AGBL4: variants seen among roughly 807,000 people sequenced by gnomAD.
AGBL4 encodes AGBL carboxypeptidase 4, also known as cytosolic carboxypeptidase 6.
A neutral mutation model predicts 66.4 loss-of-function variants in AGBL4; 58 were observed. That is an observed-to-expected ratio of 0.87 (90% CI 0.71 to 1.09). The LOEUF (loss-of-function observed/expected upper bound fraction) is 1.09. Ranked by LOEUF, AGBL4 falls within the 50% of genes least tolerant of loss-of-function variation. AGBL4 has a pLI of 0.00. For synonymous variants in AGBL4, 234 were observed against 222.9 expected, an observed-to-expected ratio of 1.05 and a Z score of -0.44; for missense variants, 579 against 631.0, an observed-to-expected ratio of 0.92 and a Z score of 0.88.
chr1:48,913,742 AC>A (rs1653350772), intron 5 of AGBL4, among the ~76,000 whole-genome samples: 1 of 152,208 alleles, frequency 6.6e-6, no homozygotes, highest in Non-Finnish European at 1.5e-5. Context: ...AATAAAGTGC[AC>A]AAAAAATGTA....
intron 2 of AGBL4, among the ~76,000 whole-genome samples, chr1:49,794,046 A>G (rs1013845548): frequency 6.6e-6 from 1 of 151,954 alleles, no homozygotes; most frequent in East Asian, 1.9e-4. Flanking sequence ...TGAAAAGAAC[A>G]TTTTCAGGAA....
chr1:49,383,686 A>G (rs1375431295), intron 3 of AGBL4, among the ~76,000 whole-genome samples: 1 of 152,186 alleles, frequency 6.6e-6, no homozygotes, highest in Non-Finnish European at 1.5e-5. Context: ...CTGAAACTAT[A>G]AAACTCCTAG....
Position 48,693,514 on chromosome 1 carries a change from G to A in AGBL4, c.635-30273C>T, listed in dbSNP as rs543993352. Among the ~76,000 whole-genome samples, 46 of 152,290 alleles carry A rather than the reference G, an allele frequency of 3.0e-4. 1 individual carries two copies. Among genetic ancestry groups the A allele is most frequent in the Admixed American group, 9.2e-4 (14 of 15,296 alleles). On this transcript the variant is annotated intron_variant, in intron 6 of 13. Coordinates refer to ENST00000371839, the MANE Select transcript of AGBL4 (RefSeq NM_032785.4). ...CCACAAAAGGAAATTTCACGGTGGC[G>A]TGTGTGCATGTAGACAGGTCAAGGC...
chr1:48,971,815 C>T (rs2798696), intron 5 of AGBL4, among the ~76,000 whole-genome samples: 148,446 of 152,296 alleles, frequency 0.97, 72,451 homozygotes, highest in East Asian at 1. Context: ...AAAAAAAGTG[C>T]ATGTGGCTAG....
intron 3 of AGBL4, among the ~76,000 whole-genome samples, chr1:49,666,774 T>C (rs1423560984): frequency 6.6e-6 from 1 of 152,108 alleles, no homozygotes; most frequent in Non-Finnish European, 1.5e-5. Flanking sequence ...AGAACTCTAT[T>C]AAATAGGTAC....
intron 1 of AGBL4, among the ~76,000 whole-genome samples, chr1:50,008,870 C>A (rs986443587): frequency 6.6e-6 from 1 of 152,006 alleles, no homozygotes; most frequent in Non-Finnish European, 1.5e-5. Flanking sequence ...CCATCATGAC[C>A]AACCATATGC....
At chr1:49,262,629 T>A (rs948879032) in intron 3 of AGBL4, among the ~76,000 whole-genome samples, 12 of 134,424 alleles carry the variant, frequency 8.9e-5, no homozygotes, top group African/African-American at 3.2e-4. Flanking sequence ...CCAGTTAGAA[T>A]GGCGATCATT....
At chr1:49,674,004 G>T (rs1646531833) in intron 3 of AGBL4, among the ~76,000 whole-genome samples, 1 of 151,816 alleles carries the variant, frequency 6.6e-6, no homozygotes. Flanking sequence ...ACGAAGGAAT[G>T]GAAAAGAGTT....
At chr1:50,000,708 T>C (rs1455615234) in intron 1 of AGBL4, among the ~76,000 whole-genome samples, 2 of 152,186 alleles carry the variant, frequency 1.3e-5, no homozygotes, top group Middle Eastern at 3.4e-3. Flanking sequence ...GAAAATATGG[T>C]ATATATACAC....
At chr1:49,407,847 C>A (rs887534535) in intron 3 of AGBL4, among the ~76,000 whole-genome samples, 1 of 152,164 alleles carries the variant, frequency 6.6e-6, no homozygotes, top group Non-Finnish European at 1.5e-5. Flanking sequence ...AGTCAGAACA[C>A]ATCAAAATGA....
chr1:49,425,313 T>A (rs1264600103), intron 3 of AGBL4, among the ~76,000 whole-genome samples: 1 of 152,086 alleles, frequency 6.6e-6, no homozygotes, highest in East Asian at 1.9e-4. Context: ...GGCTTTTTAT[T>A]CTCTTTAGAA....
chr1:48,922,476 T>C (rs1654163720), intron 5 of AGBL4, among the ~76,000 whole-genome samples: 1 of 152,130 alleles, frequency 6.6e-6, no homozygotes, highest in Non-Finnish European at 1.5e-5. Flanking sequence ...AGAACACCCC[T>C]CTACTTCTCC....
chr1:48,579,262 C>T (rs947682007), intron 11 of AGBL4, among the ~76,000 whole-genome samples: 5 of 152,014 alleles, frequency 3.3e-5, no homozygotes, highest in Admixed American at 2.6e-4. Flanking sequence ...AAGGCTTGCT[C>T]TGTCCCCAAG....
At chr1:49,219,263 A>G (rs1267407360) in intron 4 of AGBL4, among the ~76,000 whole-genome samples, 1 of 152,194 alleles carries the variant, frequency 6.6e-6, no homozygotes, top group Non-Finnish European at 1.5e-5. Context: ...TGGATCTGGA[A>G]GCATCTTTAA....
intron 6 of AGBL4, among the ~76,000 whole-genome samples, chr1:48,763,226 T>C (rs1177458852): frequency 6.6e-6 from 1 of 152,146 alleles, no homozygotes; most frequent in Non-Finnish European, 1.5e-5. Context: ...GAAAACGGCC[T>C]TTCCCACTGA....
chr1:49,338,120 A>C (rs187088529), intron 3 of AGBL4, among the ~76,000 whole-genome samples: 7 of 152,368 alleles, frequency 4.6e-5, no homozygotes, highest in Non-Finnish European at 1.0e-4. Flanking sequence ...TACTGTCTTT[A>C]AAAAGCTTAG....
intron 5 of AGBL4, among the ~76,000 whole-genome samples, chr1:48,951,297 G>C (rs919354107): frequency 6.6e-6 from 1 of 152,132 alleles, no homozygotes; most frequent in African/African-American, 2.4e-5. Context: ...GATTCTTAAG[G>C]TTTTGTGTGA....
At chr1:49,156,859 G>A (rs181612129) in intron 4 of AGBL4, among the ~76,000 whole-genome samples, 8 of 152,040 alleles carry the variant, frequency 5.3e-5, no homozygotes, top group Admixed American at 3.9e-4. Flanking sequence ...ATCTTGAAGG[G>A]TAGCTATGAA....
rs1171227099 is a variant in AGBL4, at chr1:48,713,389, T to C, written c.635-50148A>G. On this transcript the variant is annotated intron_variant, in intron 6 of 13. Transcript: ENST00000371839. Reference sequence around the variant, plus strand: ...TTCAGTCAGGAGGACTATGAAGCAATGCTGTGTAAAGCAGCTGAGGTTGCG... The same window carrying C: ...TTCAGTCAGGAGGACTATGAAGCAACGCTGTGTAAAGCAGCTGAGGTTGCG... Among the ~76,000 whole-genome samples, 3 of 152,158 alleles carry C rather than the reference T, an allele frequency of 2.0e-5. No individual in the cohort carries two copies. In the East Asian group the frequency reaches 5.8e-4, roughly 29 times the overall value.
Sources: gnomAD v4.1 joint callset for allele counts (sites outside exome capture counted in the v4.1 genomes callset) on GRCh38, gnomAD v4.1.1 for gene constraint, MANE v1.5 for transcripts, NCBI Gene and HGNC (gene_info 2026-07-23, HGNC 2026-07-21) for gene names.